Variants in CAST observed in about 807,000 individuals in gnomAD.
The protein encoded by CAST is calpastatin, also known as MIR583 host.
A neutral mutation model predicts 119.6 loss-of-function variants in CAST; 76 were observed. The observed-to-expected ratio is 0.64, with a 90% CI of 0.53 to 0.77. The LOEUF (loss-of-function observed/expected upper bound fraction) is 0.77. Among genes scored for constraint, CAST ranks in the 30% least tolerant of loss-of-function variants. The pLI, the probability that CAST is intolerant of heterozygous loss-of-function variation, is 0.00. For synonymous variants in CAST, 319 were observed against 331.6 expected, an observed-to-expected ratio of 0.96 and a Z score of 0.41; for missense variants, 953 against 946.5, an observed-to-expected ratio of 1.01 and a Z score of -0.09.
chr5:96,638,796 C>T (rs1747914816), intron 1 of CAST, among the ~76,000 whole-genome samples: 1 of 152,150 alleles, frequency 6.6e-6, no homozygotes, highest in African/African-American at 2.4e-5. Flanking sequence ...TGTGTCAGTT[C>T]CATCTAATTC....
At chr5:96,474,821 G>A in the CAST span, among the ~76,000 whole-genome samples, 9 of 152,282 alleles carry the variant, frequency 5.9e-5, no homozygotes, top group South Asian at 2.1e-4. Flanking sequence ...TGGATATCTC[G>A]AGGGACTTAT....
chr5:96,002,421 T>C, the CAST span, among the ~76,000 whole-genome samples: 1 of 152,318 alleles, frequency 6.6e-6, no homozygotes, highest in Non-Finnish European at 1.5e-5. Flanking sequence ...CCTCTGCATG[T>C]GGTAGTCAAA....
the CAST span, among the ~76,000 whole-genome samples, chr5:96,424,495 ATC>A: frequency 6.6e-6 from 1 of 152,190 alleles, no homozygotes; most frequent in South Asian, 2.1e-4. Context: ...ACTTTCCAAT[ATC>A]TCTGTTTTTC....
chr5:96,028,066 A>G, the CAST span, among the ~76,000 whole-genome samples: 2 of 152,138 alleles, frequency 1.3e-5, no homozygotes, highest in Admixed American at 1.3e-4. Context: ...TACATTAACA[A>G]GGCAGAACTT....
intron 3 of CAST, 51 bp from the exon 4 acceptor site, chr5:96,722,588 G>C (rs747160840): frequency 1.5e-6 from 2 of 1,356,658 alleles, no homozygotes; most frequent in Non-Finnish European, 2.1e-6. Flanking sequence ...GGACCATGTA[G>C]ATTGTAGGTT....
At chr5:96,242,706 CT>C in the CAST span, among the ~76,000 whole-genome samples, 1 of 152,102 alleles carries the variant, frequency 6.6e-6, no homozygotes, top group South Asian at 2.1e-4. Context: ...TTTCTTTTGT[CT>C]TTTATAACCC....
At chr5:96,691,439 G>T (rs1561477929) in intron 2 of CAST, among the ~76,000 whole-genome samples, 1 of 152,206 alleles carries the variant, frequency 6.6e-6, no homozygotes, top group South Asian at 2.1e-4. Context: ...CCCATAAAAG[G>T]TTATTATTTT....
intron 1 of CAST, among the ~76,000 whole-genome samples, chr5:96,638,279 G>T (rs1013300997): frequency 1.3e-5 from 2 of 151,902 alleles, no homozygotes; most frequent in Non-Finnish European, 2.9e-5. Flanking sequence ...GGTGGTACAC[G>T]CCTGTAATCC....
the CAST span, among the ~76,000 whole-genome samples, chr5:96,166,935 T>C: frequency 1.3e-5 from 2 of 152,064 alleles, no homozygotes; most frequent in African/African-American, 2.4e-5. Context: ...CTGCTTCCAG[T>C]GGGATTACGA....
the CAST span, among the ~76,000 whole-genome samples, chr5:96,360,395 C>T: frequency 6.6e-6 from 1 of 151,966 alleles, no homozygotes; most frequent in Non-Finnish European, 1.5e-5. Context: ...AGTTGTGATC[C>T]CTCAGAGAAG....
chr5:95,976,199 C>A, the CAST span, among the ~76,000 whole-genome samples: 2 of 150,918 alleles, frequency 1.3e-5, no homozygotes, highest in East Asian at 3.9e-4. Flanking sequence ...TCTAGTATTC[C>A]GTTGTTTCCA....
the CAST span, among the ~76,000 whole-genome samples, chr5:96,081,235 C>G: frequency 2.0e-5 from 3 of 152,162 alleles, no homozygotes; most frequent in East Asian, 5.8e-4. Flanking sequence ...AGGAGAGTGA[C>G]AGAGTTTGCC....
At chr5:96,054,327 A>G in the CAST span, among the ~76,000 whole-genome samples, 20 of 152,138 alleles carry the variant, frequency 1.3e-4, no homozygotes, top group East Asian at 1.2e-3. Context: ...ATCACAGCAC[A>G]CTGTAGCTTT....
the CAST span, among the ~76,000 whole-genome samples, chr5:96,486,830 T>C: frequency 6.6e-6 from 1 of 152,180 alleles, no homozygotes; most frequent in Non-Finnish European, 1.5e-5. Flanking sequence ...TAGCCTCCTG[T>C]GAGACGTCCC....
chr5:96,575,662 A>G (rs74560444), intron 1 of CAST, among the ~76,000 whole-genome samples: 1 of 151,276 alleles, frequency 6.6e-6, no homozygotes, highest in African/African-American at 2.4e-5. Flanking sequence ...TTTTTTTTTA[A>G]GACGGAGTCT....
intron 16 of CAST, among the ~76,000 whole-genome samples, chr5:96,745,020 C>G (rs979754434): frequency 6.6e-6 from 1 of 152,058 alleles, no homozygotes; most frequent in Non-Finnish European, 1.5e-5. Flanking sequence ...CATTTCAAGA[C>G]TATAAAGATC....
chr5:96,684,722 C>T (rs1016555069), intron 2 of CAST, among the ~76,000 whole-genome samples: 1 of 151,960 alleles, frequency 6.6e-6, no homozygotes, highest in Admixed American at 6.6e-5. Flanking sequence ...GCCACCACGC[C>T]CAAATAACTT....
At chr5:96,540,224 AG>A (rs1745887232) in intron 1 of CAST, among the ~76,000 whole-genome samples, 1 of 152,076 alleles carries the variant, frequency 6.6e-6, no homozygotes, top group Admixed American at 6.5e-5. Flanking sequence ...TAAGGAAAAA[AG>A]TCAGCCCATG....
At chr5:96,227,189 CAGA>C in the CAST span, among the ~76,000 whole-genome samples, 9 of 152,068 alleles carry the variant, frequency 5.9e-5, no homozygotes, top group African/African-American at 2.2e-4. Context: ...AAAAATGAAG[CAGA>C]AGAAGTACAT....
Sources: gnomAD v4.1 joint callset for allele counts (sites outside exome capture counted in the v4.1 genomes callset) on GRCh38, gnomAD v4.1.1 for gene constraint, MANE v1.5 for transcripts, NCBI Gene and HGNC (gene_info 2026-07-23, HGNC 2026-07-21) for gene names.